BBS2: variants seen among roughly 807,000 people sequenced by gnomAD.
BBS2 encodes the protein Bardet-Biedl syndrome 2.
In BBS2, 62 loss-of-function variants were observed where a neutral mutation model predicts 83.0. The observed-to-expected ratio is 0.75, with a 90% CI of 0.61 to 0.92. The LOEUF is 0.92. BBS2 is among the 40% of genes least tolerant of loss of function. The pLI is 0.00. For missense variants in BBS2, 784 were observed against 901.0 expected (o/e 0.87, Z 1.66); for synonymous variants, 303 against 326.1 (o/e 0.93, Z 0.76).
intron 1 of BBS2, 64 bp downstream of exon 1, chr16:56,519,682 G>T (rs981911881): frequency 5.9e-6 from 8 of 1,358,996 alleles, no homozygotes; most frequent in Non-Finnish European, 1.0e-6. Context: ...GATCCCAGGG[G>T]CGCGGCCGGC....
chr16:56,487,041 A>G (rs1362342719), intron 15 of BBS2, among the ~76,000 whole-genome samples: 4 of 152,072 alleles, frequency 2.6e-5, no homozygotes, highest in Admixed American at 2.6e-4. Context: ...TGGGATTACA[A>G]GTGTGAGCCA....
rs116124914 is a variant in BBS2, at chr16:56,511,435, C to T, written c.346-151G>A. 1.5e-3 allele frequency: 1,454 copies of T among 964,992 alleles called. 16 individuals carry two copies. In the African/African-American group the frequency reaches 0.02, roughly 13 times the overall value. 59.8% of individuals were successfully genotyped at this position (964,992 alleles called of 1,614,324 possible). A position where few individuals can be genotyped will look rare whatever the true frequency, so the allele number is the denominator to read the frequency against. On this transcript the variant is annotated intron_variant, in intron 2 of 16. Transcript: ENST00000245157. ...TGGGCCTCACACATTAACTGGCCCACGCACATATGGATAATAATCTACTTT... is the reference window on the plus strand; with the variant it reads ...TGGGCCTCACACATTAACTGGCCCATGCACATATGGATAATAATCTACTTT...
chr16:56,502,477 G>GC, intron 8 of BBS2, 21 bp from the exon 9 acceptor site: 3 of 1,614,068 alleles, frequency 1.9e-6, no homozygotes, highest in Non-Finnish European at 2.5e-6. Flanking sequence ...GGAAAAAACC[G>GC]CAAGTATAAC....
chr16:56,510,581 G>A (rs770217935), intron 4 of BBS2, among the ~76,000 whole-genome samples: 2 of 152,194 alleles, frequency 1.3e-5, no homozygotes, highest in African/African-American at 2.4e-5. Context: ...TCATAAGACC[G>A]TGAATATGAC....
chr16:56,503,568 A>C (rs1231970572), intron 7 of BBS2, among the ~76,000 whole-genome samples: 3 of 152,150 alleles, frequency 2.0e-5, no homozygotes, highest in African/African-American at 7.2e-5. Context: ...AAATAAATAA[A>C]TGACTGATCA....
At chr16:56,473,217 A>G (rs1963286512) in intron 17 of BBS2, among the ~76,000 whole-genome samples, 1 of 152,170 alleles carries the variant, frequency 6.6e-6, no homozygotes, top group East Asian at 1.9e-4. Context: ...GGAGTGAGCC[A>G]CCACGCCTGG....
intron 17 of BBS2, chr16:56,475,949 T>C (rs1457930888): frequency 1.7e-6 from 2 of 1,145,364 alleles, no homozygotes; most frequent in Middle Eastern, 2.5e-4. Flanking sequence ...CCAGATTAAG[T>C]GCTTGATATG....
Position 56,499,816 on chromosome 16 carries a change from T to C in BBS2, c.1489A>G (p.Ser497Gly), listed in dbSNP as rs1439672823. 6.2e-7 allele frequency: 1 copy of C among 1,614,206 alleles called. No homozygotes were observed. Among genetic ancestry groups the C allele is most frequent in the Admixed American group, 1.7e-5 (1 of 60,030 alleles). ...TCTGCAATGGTAAAGTTAACATAAC[T>C]GATTGGCTCACTGGCAGGGTCCAGG... ...TSLDPASEPISYVNFTIAERA... is the reference protein window; with the variant it reads ...TSLDPASEPIGYVNFTIAERA... Residue 497 changes from serine (S) to glycine (G), a missense_variant, in exon 12 of 17, where the codon AGT (serine) becomes GGT (glycine). Coordinates refer to ENST00000245157, the MANE Select transcript of BBS2 (RefSeq NM_031885.5).
chr16:56,502,931 G>T, intron 7 of BBS2, 123 bp from the exon 8 acceptor site: 1 of 1,223,312 alleles, frequency 8.2e-7, no homozygotes. Flanking sequence ...ATTCTATGAA[G>T]CCCTACAACT....
rs374344685 is a variant in BBS2 at position 56,497,090 on chromosome 16, T to A, written c.1798-11A>T. 4 of 1,567,438 alleles carry A rather than the reference T, an allele frequency of 2.6e-6. No homozygotes were observed. The highest frequency in any genetic ancestry group is 3.5e-6 in the Non-Finnish European group (4 of 1,137,530). On this transcript the variant is annotated splice_polypyrimidine_tract_variant and intron_variant, in intron 14 of 16. Coordinates refer to ENST00000245157, the MANE Select transcript of BBS2 (RefSeq NM_031885.5). ...ATGATATTCATCCACCTGGAGACCA[T>A]GAACACTCAGGAATGAAAAAGGCCT... is the stretch of plus-strand genomic sequence containing the variant.
chr16:56,516,988 TTTTA>T (rs1467279333), intron 1 of BBS2, among the ~76,000 whole-genome samples: 1 of 151,558 alleles, frequency 6.6e-6, no homozygotes, highest in Non-Finnish European at 1.5e-5. Flanking sequence ...ATCTCCTTTA[TTTTA>T]TTTATTATTA....
At chr16:56,485,187 A>G (rs1963740525) in intron 16 of BBS2, among the ~76,000 whole-genome samples, 1 of 152,114 alleles carries the variant, frequency 6.6e-6, no homozygotes, top group South Asian at 2.1e-4. Flanking sequence ...CTCTGGCTAT[A>G]TTTCTGCTTC....
chr16:56,492,826 G>T (rs1963996047), intron 15 of BBS2, among the ~76,000 whole-genome samples: 2 of 152,128 alleles, frequency 1.3e-5, no homozygotes, highest in Non-Finnish European at 2.9e-5. Flanking sequence ...ACAAGACCTT[G>T]CAAAATTCTG....
chr16:56,515,037 C>T (rs902728555), intron 1 of BBS2, among the ~76,000 whole-genome samples: 9 of 152,188 alleles, frequency 5.9e-5, no homozygotes, highest in South Asian at 2.1e-4. Flanking sequence ...AATGTGATTG[C>T]CACACACCAA....
chr16:56,514,393 G>A (rs2093967910), intron 2 of BBS2, 60 bp downstream of exon 2: 5 of 1,449,690 alleles, frequency 3.4e-6, no homozygotes, highest in Middle Eastern at 1.7e-4. Flanking sequence ...TCTCTTCTAA[G>A]CATAAAAAAT....
chr16:56,514,103 G>T (rs993962547), intron 2 of BBS2, among the ~76,000 whole-genome samples: 5 of 152,176 alleles, frequency 3.3e-5, no homozygotes, highest in African/African-American at 1.2e-4. Flanking sequence ...GCTACAGTAA[G>T]GGCTTCTACA....
In BBS2 at chr16:56,496,971, C is replaced by A. The variant is rs750950180; in HGVS notation, c.1906G>T (p.Asp636Tyr). 2 of 1,611,412 alleles carry A rather than the reference C, an allele frequency of 1.2e-6. No homozygotes were observed. The highest frequency in any genetic ancestry group is 3.3e-5 in the Admixed American group (2 of 60,016). ...VGAEDARLMR[D>Y]MKTMKSRYME... is the part of the protein sequence containing the mutation. Reference sequence around the variant, plus strand: ...CTAACCATGACAAATACTCACATGTCCCTCATCAGACGAGCATCCTCAGCT... The same window carrying A: ...CTAACCATGACAAATACTCACATGTACCTCATCAGACGAGCATCCTCAGCT... The change falls in exon 15 of 17, where the codon GAC (aspartate) becomes TAC (tyrosine). Residue 636 changes from aspartate to tyrosine, a missense_variant. Coordinates refer to ENST00000245157, the MANE Select transcript of BBS2 (RefSeq NM_031885.5).
chr16:56,509,602 A>G (rs1964520447), intron 5 of BBS2: 1 of 241,688 alleles, frequency 4.1e-6, no homozygotes, highest in Non-Finnish European at 8.3e-6. Flanking sequence ...TAAGGATTCA[A>G]TATGTTACTT....
At chr16:56,511,559 C>A (rs1964577369) in intron 2 of BBS2, among the ~76,000 whole-genome samples, 1 of 152,216 alleles carries the variant, frequency 6.6e-6, no homozygotes, top group Non-Finnish European at 1.5e-5. Context: ...AGAAGGGATT[C>A]TACCAGCAGA....
Sources: allele counts gnomAD v4.1 joint callset (sites outside exome capture counted in the v4.1 genomes callset), GRCh38; gene constraint gnomAD v4.1.1; transcripts MANE v1.5; gene names NCBI Gene and HGNC (gene_info 2026-07-23, HGNC 2026-07-21).